KALRN: variants seen among roughly 807,000 people sequenced by gnomAD.
The protein encoded by KALRN is kalirin.
KALRN carries 70 observed loss-of-function variants against 353.7 expected under a neutral mutation model. That is an observed-to-expected ratio of 0.20 (90% CI 0.16 to 0.24). KALRN has a LOEUF of 0.24. Among genes scored for constraint, KALRN ranks in the 10% least tolerant of loss-of-function variants. The pLI is 1.00. For missense variants in KALRN, 2,791 were observed against 3,756.7 expected, an observed-to-expected ratio of 0.74 and a Z score of 6.72; for synonymous variants, 1,391 against 1,434.8, an observed-to-expected ratio of 0.97 and a Z score of 0.69.
chr3:124,123,199 C>CAAAAAAA (rs4048341), intron 1 of KALRN, among the ~76,000 whole-genome samples: 1 of 143,660 alleles, frequency 7.0e-6, no homozygotes, highest in African/African-American at 2.6e-5. Flanking sequence ...GACTCCATCT[C>CAAAAAAA]AAAAAAAAAA....
At chr3:124,398,935 G>A in intron 13 of KALRN, 64 bp downstream of exon 13, 2 of 1,506,156 alleles carry the variant, frequency 1.3e-6, no homozygotes, top group South Asian at 1.3e-5. Flanking sequence ...CAAGGGCACT[G>A]CCCCAGGGGC....
chr3:124,388,067 C>CA (rs1449980320), intron 11 of KALRN, among the ~76,000 whole-genome samples: 1 of 151,874 alleles, frequency 6.6e-6, no homozygotes, highest in Non-Finnish European at 1.5e-5. Flanking sequence ...CACACACATG[C>CA]AAATGTTCCC....
intron 3 of KALRN, among the ~76,000 whole-genome samples, chr3:124,239,133 G>A (rs1209337439): frequency 6.6e-6 from 1 of 152,056 alleles, no homozygotes; most frequent in Non-Finnish European, 1.5e-5. Context: ...ACAGTTACTT[G>A]TACGTGAAAG....
chr3:124,637,668 C>G (rs528952718), intron 37 of KALRN, among the ~76,000 whole-genome samples: 1 of 152,324 alleles, frequency 6.6e-6, no homozygotes, highest in East Asian at 1.9e-4. Context: ...CCAGAACACA[C>G]TGATTGGATA....
At chr3:124,340,336 A>G (rs2081564780) in intron 9 of KALRN, among the ~76,000 whole-genome samples, 1 of 152,120 alleles carries the variant, frequency 6.6e-6, no homozygotes, top group African/African-American at 2.4e-5. Flanking sequence ...AGCCTGGGCA[A>G]CATGGTAAAA....
At chr3:124,432,306 C>T (rs926294569) in intron 16 of KALRN, among the ~76,000 whole-genome samples, 3 of 151,970 alleles carry the variant, frequency 2.0e-5, no homozygotes, top group African/African-American at 4.8e-5. Flanking sequence ...CCCAGCTACT[C>T]GGGAGGCTGA....
intron 1 of KALRN, among the ~76,000 whole-genome samples, chr3:124,220,164 C>T (rs948689492): frequency 2.6e-5 from 4 of 152,072 alleles, no homozygotes; most frequent in African/African-American, 2.4e-5. Flanking sequence ...AGGCTGGTCT[C>T]GAACACCTGA....
chr3:124,523,547 A>G (rs140107090), intron 33 of KALRN, among the ~76,000 whole-genome samples: 270 of 152,364 alleles, frequency 1.8e-3, no homozygotes, highest in Non-Finnish European at 2.6e-3. Flanking sequence ...TAGAAAAGAC[A>G]TTTTGATTAT....
intron 1 of KALRN, among the ~76,000 whole-genome samples, chr3:124,114,321 T>C (rs1406035936): frequency 6.6e-6 from 1 of 152,076 alleles, no homozygotes; most frequent in Non-Finnish European, 1.5e-5. Flanking sequence ...TTCCCAGGGG[T>C]TCTTCTTTAG....
chr3:124,111,556 G>A (rs1227097478), intron 1 of KALRN, among the ~76,000 whole-genome samples: 1 of 152,180 alleles, frequency 6.6e-6, no homozygotes, highest in Admixed American at 6.5e-5. Flanking sequence ...CCACTGGGTA[G>A]GCAACCAACT....
intron 3 of KALRN, among the ~76,000 whole-genome samples, chr3:124,261,046 C>CTT (rs11385774): frequency 0.015 from 2,132 of 142,744 alleles, 45 homozygotes; most frequent in African/African-American, 0.048. Flanking sequence ...CTTGGGTTTT[C>CTT]TTTTTTTTTT....
intron 33 of KALRN, among the ~76,000 whole-genome samples, chr3:124,498,249 T>A (rs1218725418): frequency 2.0e-5 from 3 of 152,226 alleles, no homozygotes; most frequent in African/African-American, 7.2e-5. Context: ...CACATATTCA[T>A]GTAGAAGCAC....
chr3:124,274,225 C>T (rs1470160364), intron 5 of KALRN, among the ~76,000 whole-genome samples: 1 of 152,186 alleles, frequency 6.6e-6, no homozygotes, highest in Non-Finnish European at 1.5e-5. Flanking sequence ...TCCCACACAC[C>T]GTAGAAATCC....
intron 47 of KALRN, among the ~76,000 whole-genome samples, chr3:124,668,043 GAC>G (rs55672121): frequency 0.028 from 3,852 of 138,270 alleles, 76 homozygotes; most frequent in East Asian, 0.095. Flanking sequence ...TGTATATCGA[GAC>G]ACACACACAC....
chr3:124,138,004 C>T (rs929525794), intron 1 of KALRN, among the ~76,000 whole-genome samples: 1 of 152,152 alleles, frequency 6.6e-6, no homozygotes, highest in African/African-American at 2.4e-5. Flanking sequence ...CAGCCCTAGT[C>T]GGAGCTTAAG....
At chr3:124,559,578 A>T (rs1029670898) in intron 33 of KALRN, among the ~76,000 whole-genome samples, 11 of 152,216 alleles carry the variant, frequency 7.2e-5, no homozygotes, top group African/African-American at 2.4e-4. Flanking sequence ...GGGGTACAAG[A>T]TCAGAGAAGA....
chr3:124,298,907 C>T lies in KALRN; in HGVS notation c.1086C>T (p.Asn362=), dbSNP rs373123729. ...LQTQHNHFAM[N]SMNAYVNINR... is the part of the protein sequence containing the mutation. Reference sequence around the variant, plus strand: ...CGCAGCACAATCACTTTGCCATGAACTCCATGGTGAGCTGAGGGGCTGTTC... The same window carrying T: ...CGCAGCACAATCACTTTGCCATGAATTCCATGGTGAGCTGAGGGGCTGTTC... Residue 362 remains asparagine (N), a synonymous_variant, in exon 6 of 60, where the codon AAC becomes AAT. Coordinates refer to ENST00000682506, the MANE Select transcript of KALRN (RefSeq NM_001388419.1). The T allele has an allele frequency of 1.9e-5, 31 of 1,614,046 alleles. 1 individual carries two copies. The highest frequency in any genetic ancestry group is 3.4e-6 in the Non-Finnish European group (4 of 1,180,010).
chr3:124,409,341 A>G (rs1243862032), intron 13 of KALRN, among the ~76,000 whole-genome samples: 1 of 152,222 alleles, frequency 6.6e-6, no homozygotes, highest in African/African-American at 2.4e-5. Context: ...TTAAATCACT[A>G]AATTCACTCA....
At chr3:124,533,388 T>C (rs969660135) in intron 33 of KALRN, among the ~76,000 whole-genome samples, 1 of 152,180 alleles carries the variant, frequency 6.6e-6, no homozygotes, top group Non-Finnish European at 1.5e-5. Context: ...ATGTCTATAG[T>C]CCTAGCACTT....
Sources: allele counts gnomAD v4.1 joint callset (sites outside exome capture counted in the v4.1 genomes callset), GRCh38; gene constraint gnomAD v4.1.1; transcripts MANE v1.5; gene names NCBI Gene and HGNC (gene_info 2026-07-23, HGNC 2026-07-21).